EXOC3L2: variants seen among roughly 807,000 people sequenced by gnomAD.
The protein encoded by EXOC3L2 is exocyst complex component 3-like protein 2.
In EXOC3L2, 17 loss-of-function variants were observed where a neutral mutation model predicts 44.4. The observed-to-expected ratio is 0.38, with a 90% CI of 0.26 to 0.57. The LOEUF (loss-of-function observed/expected upper bound fraction) is 0.57, where lower values mean the gene tolerates loss of function less well. EXOC3L2 is among the 20% of genes least tolerant of loss of function. EXOC3L2 has a pLI of 0.65. For synonymous variants in EXOC3L2, 256 were observed against 253.7 expected, an observed-to-expected ratio of 1.01 and a Z score of -0.09; for missense variants, 541 against 588.4, an observed-to-expected ratio of 0.92 and a Z score of 0.83.
rs57770472 is a variant in EXOC3L2 at position 45,214,456 on chromosome 19, G to GTGTTTGTT, written c.2121-1107_2121-1100dup. Among the ~76,000 whole-genome samples the GTGTTTGTT allele has an allele frequency of 4.7e-3, 710 of 151,440 alleles. 7 individuals carry two copies. Among genetic ancestry groups the GTGTTTGTT allele is most frequent in the African/African-American group, 0.015 (632 of 41,122 alleles). ...TGATCTGGTACACTAGTTTTTTTGT[G>GTGTTTGTT]TGTTTGTTTGTTTGTTTGTTTGTTT... is the stretch of plus-strand genomic sequence containing the variant. On this transcript the variant is annotated intron_variant, in intron 11 of 11. Coordinates refer to ENST00000413988, the MANE Select transcript of EXOC3L2 (RefSeq NM_001382422.1).
At chr19:45,222,395 T>G (rs965660391) in intron 8 of EXOC3L2, among the ~76,000 whole-genome samples, 11 of 151,748 alleles carry the variant, frequency 7.2e-5, no homozygotes, top group African/African-American at 2.7e-4. Context: ...GAGACGGGGT[T>G]TCACCATGTT....
chr19:45,213,940 C>T (rs888575639), intron 11 of EXOC3L2, among the ~76,000 whole-genome samples: 41 of 151,818 alleles, frequency 2.7e-4, no homozygotes, highest in Admixed American at 2.4e-3. Flanking sequence ...GGTGACACAG[C>T]GAGACTCCAT....
intron 11 of EXOC3L2, 31 bp downstream of exon 11, chr19:45,216,042 G>A (rs200217798): frequency 5.2e-5 from 83 of 1,610,712 alleles, no homozygotes; most frequent in Non-Finnish European, 6.5e-5. Context: ...GGCCAGGCAC[G>A]GCGAGCCCTG....
At chr19:45,223,233 C>A (rs1367702686) in intron 8 of EXOC3L2, among the ~76,000 whole-genome samples, 1 of 152,074 alleles carries the variant, frequency 6.6e-6, no homozygotes, top group Admixed American at 6.6e-5. Flanking sequence ...ACTAAAAATA[C>A]AAAAATTAGC....
At chr19:45,239,507 C>G (rs539070205) in intron 1 of EXOC3L2, among the ~76,000 whole-genome samples, 16 of 150,012 alleles carry the variant, frequency 1.1e-4, no homozygotes, top group African/African-American at 2.7e-4. Flanking sequence ...TGAGCCACCG[C>G]GCCTTGCCTC....
intron 7 of EXOC3L2, among the ~76,000 whole-genome samples, chr19:45,225,686 G>A (rs1599763706): frequency 1.4e-5 from 2 of 146,186 alleles, no homozygotes; most frequent in African/African-American, 5.1e-5. Flanking sequence ...GCAGTGGCGC[G>A]ATCTTGGCTC....
rs1969937408 is a variant in EXOC3L2 at position 45,224,789 on chromosome 19, G to C, written c.1708C>G (p.Gln570Glu). ...CCCACCTCACTCACCTGCAGCTCCT[G>C]GAACAGCAGGTTGGCCACGACACGG... ...CHRVVANLLF[Q>E]ELQPHFNKLM... The change falls in exon 8 of 12, where the codon CAG (glutamine) becomes GAG (glutamate). Residue 570 changes from glutamine (Q) to glutamate (E), a missense_variant. Transcript: ENST00000413988. The C allele has an allele frequency of 6.4e-7, 1 of 1,556,848 alleles. No individual in the cohort carries two copies. The highest frequency in any genetic ancestry group is 1.4e-5 in the African/African-American group (1 of 73,320).
chr19:45,240,720 A>G (rs1231282137), intron 1 of EXOC3L2, among the ~76,000 whole-genome samples: 1 of 151,828 alleles, frequency 6.6e-6, no homozygotes, highest in Non-Finnish European at 1.5e-5. Flanking sequence ...ACATGGTGAA[A>G]CCCCGTCTCT....
intron 8 of EXOC3L2, among the ~76,000 whole-genome samples, chr19:45,219,087 A>C (rs184036419): frequency 6.6e-6 from 1 of 152,040 alleles, no homozygotes; most frequent in African/African-American, 2.4e-5. Context: ...GTGGCGTGCA[A>C]CTGTAGTTCC....
chr19:45,218,962 C>T lies in EXOC3L2; in HGVS notation c.1720-643G>A, dbSNP rs369491325. On this transcript the variant is annotated intron_variant, in intron 8 of 11. Coordinates refer to ENST00000413988, the MANE Select transcript of EXOC3L2 (RefSeq NM_001382422.1). ...AACATTTAAAAGTTAGCTGGGACTG[C>T]GCGCAGTGGCTCACGCCTGTAATCC... Among the ~76,000 whole-genome samples, 177 of 152,034 alleles carry T rather than the reference C, an allele frequency of 1.2e-3. 2 individuals are homozygous for T. The South Asian group carries it at 0.014, about 12-fold the overall frequency.
In EXOC3L2 at chr19:45,213,112, C is replaced by A; in HGVS notation, c.2366G>T (p.Arg789Leu). 6.5e-7 allele frequency: 1 copy of A among 1,546,444 alleles called. No homozygotes were observed. Among genetic ancestry groups the A allele is most frequent in the South Asian group, 1.2e-5 (1 of 82,256 alleles). The change falls in exon 12 of 12, where the codon CGG (arginine) becomes CTG (leucine). Residue 789 changes from arginine (R) to leucine (L), a missense_variant. By Grantham distance (102) the Arg-to-Leu change is moderately radical (BLOSUM62 -2). Coordinates refer to ENST00000413988, the MANE Select transcript of EXOC3L2 (RefSeq NM_001382422.1). ...TCGCGCTAGAGACGGAGGCCGGGGC[C>A]GAGGCAGACAGGCCAAACTGGGCCT... The part of the protein sequence containing the change: ...LARPSLACLP[R>L]PRPPSLARPR...
Position 45,228,157 on chromosome 19 carries a change from C to A in EXOC3L2, c.1371+8G>T. ...CAGCCCATCCCCCAGCCTCCCTCCA[C>A]CTCCTACCTCACACACATCCTGGGC... is the stretch of plus-strand genomic sequence containing the variant. On this transcript the variant is annotated splice_region_variant and intron_variant, in intron 5 of 11. Transcript: ENST00000413988. 6.2e-7 allele frequency: 1 copy of A among 1,614,076 alleles called. No homozygotes were observed. Among genetic ancestry groups the A allele is most frequent in the Non-Finnish European group, 8.5e-7 (1 of 1,179,986 alleles).
chr19:45,234,843 G>T lies in EXOC3L2; in HGVS notation c.524-17C>A, dbSNP rs888543815. On this transcript the variant is annotated splice_polypyrimidine_tract_variant and intron_variant, in intron 2 of 11. Transcript: ENST00000413988. This position sits in a 1 kb window ranked among gnomAD's most constrained non-coding sequence, Gnocchi z 5.0. ...TCTCCAGCACTGCGGGAGCAAAGCG[G>T]GAGGTCAGCAGTGCGCGGGGGGGAG... is the stretch of plus-strand genomic sequence containing the variant. 7.4e-5 allele frequency: 29 copies of T among 391,924 alleles called. No individual in the cohort carries two copies. The highest frequency in any genetic ancestry group is 1.2e-4 in the Non-Finnish European group (27 of 221,632). The allele number at this position is 391,924 out of a possible 1,614,324, so 24.3% of individuals were successfully genotyped here.
At position 45,241,177 on chromosome 19, in the gene EXOC3L2, C is replaced by T. The variant is rs181953628; in HGVS notation, c.-16-2116G>A. Among the ~76,000 whole-genome samples, 616 of 152,226 alleles carry T rather than the reference C, an allele frequency of 4.0e-3. 6 individuals carry two copies. The highest frequency in any genetic ancestry group is 0.013 in the African/African-American group (559 of 41,562). On this transcript the variant is annotated intron_variant, in intron 1 of 11. Transcript: ENST00000413988. The stretch of plus-strand genomic sequence containing the variant: ...GCCTCTAGTCTTGGCACCTCCAGTC[C>T]GCCTTTGAGGACCTTGAAAAAGCGC...
intron 4 of EXOC3L2, among the ~76,000 whole-genome samples, chr19:45,231,457 C>CA (rs34610401): frequency 0.44 from 26,864 of 61,062 alleles, 6,109 homozygotes; most frequent in Non-Finnish European, 0.56. Flanking sequence ...GACCCTGCCT[C>CA]AAAAAAAAAA....
rs1329446805 is a variant in EXOC3L2 at position 45,213,270 on chromosome 19, C to G, written c.2208G>C (p.Leu736=). Residue 736 remains leucine (L), a synonymous_variant, in exon 12 of 12, where the codon CTG becomes CTC. Coordinates refer to ENST00000413988, the MANE Select transcript of EXOC3L2 (RefSeq NM_001382422.1). ...ACAGGGCTCCCTCCTCAGAGAGTTC[C>G]AGGTCCCGGGCCACGGCCAGGATCT... ...RQEILAVARD[L]ELSEEGALSP... 2 of 1,613,646 alleles carry G rather than the reference C, an allele frequency of 1.2e-6. No individual in the cohort carries two copies. The highest frequency in any genetic ancestry group is 4.5e-5 in the East Asian group (2 of 44,834).
At chr19:45,244,706 G>A (rs551006634) in intron 1 of EXOC3L2, among the ~76,000 whole-genome samples, 6 of 152,104 alleles carry the variant, frequency 3.9e-5, no homozygotes, top group South Asian at 2.1e-4. Flanking sequence ...CTTCTGCAGC[G>A]GCCCTGACCT....
In EXOC3L2 at chr19:45,213,352, T is replaced by C; in HGVS notation, c.2126A>G (p.Lys709Arg). The change falls in exon 12 of 12, where the codon AAG (lysine) becomes AGG (arginine). Residue 709 changes from lysine to arginine, a missense_variant. Transcript: ENST00000413988. The stretch of plus-strand genomic sequence containing the variant: ...GATGTCGAGGAGGGCTGCCACGTGC[T>C]TCTGCCTGTGGGGAGAGGAACAGAC... ...LVRDYPDIRQ[K>R]HVAALLDIRG... The C allele has an allele frequency of 6.2e-7, 1 of 1,613,258 alleles. No individual in the cohort carries two copies. Among genetic ancestry groups the C allele is most frequent in the Non-Finnish European group, 8.5e-7 (1 of 1,179,664 alleles).
At position 45,227,131 on chromosome 19, in the gene EXOC3L2, T is replaced by G. The variant is rs183330131; in HGVS notation, c.1583+531A>C. Among the ~76,000 whole-genome samples the G allele has an allele frequency of 3.5e-3, 529 of 150,724 alleles. 3 individuals are homozygous for G. The highest frequency in any genetic ancestry group is 0.012 in the African/African-American group (487 of 40,908). ...AAAAAAAAAATCTGTCATTCTTTTT[T>G]TTTTGAGACGGAGTCTTGCTCTGTC... On this transcript the variant is annotated intron_variant, in intron 7 of 11. Transcript: ENST00000413988.
Sources: gnomAD v4.1 joint callset for allele counts (sites outside exome capture counted in the v4.1 genomes callset) on GRCh38, gnomAD v4.1.1 for gene constraint, Gnocchi (gnomAD v3.1) non-coding constraint, MANE v1.5 for transcripts, NCBI Gene and HGNC (gene_info 2026-07-23, HGNC 2026-07-21) for gene names.